Variants in ATP8B4 observed in about 807,000 individuals in gnomAD.
ATP8B4 encodes probable phospholipid-transporting ATPase IM.
Under a neutral mutation model 145.6 loss-of-function variants are expected in ATP8B4, and 133 were observed. The ratio of observed to expected loss-of-function variants is 0.91; its 90% CI spans 0.79 to 1.05. The LOEUF is 1.05. ATP8B4 is among the 50% of genes least tolerant of loss of function. ATP8B4 has a pLI of 0.00. For missense variants in ATP8B4, 1,458 were observed against 1,425.2 expected (o/e 1.02, Z -0.37); for synonymous variants, 507 against 492.9 (o/e 1.03, Z -0.38).
intron 16 of ATP8B4, among the ~76,000 whole-genome samples, chr15:49,924,870 G>A (rs368258359): frequency 1.3e-5 from 2 of 152,066 alleles, no homozygotes; most frequent in Non-Finnish European, 2.9e-5. Flanking sequence ...AACCAGGGGG[G>A]GAAACTTAAT....
intron 1 of ATP8B4, among the ~76,000 whole-genome samples, chr15:50,176,418 A>G (rs1166371896): frequency 1.3e-5 from 2 of 152,160 alleles, no homozygotes; most frequent in African/African-American, 4.8e-5. Context: ...GGTGCAGTGT[A>G]TACTGCTCAG....
intron 1 of ATP8B4, among the ~76,000 whole-genome samples, chr15:50,130,286 A>G (rs566197648): frequency 1.3e-5 from 2 of 152,242 alleles, no homozygotes; most frequent in African/African-American, 2.4e-5. Flanking sequence ...TTGCCTTGCT[A>G]TAATCACACC....
intron 3 of ATP8B4, among the ~76,000 whole-genome samples, chr15:50,058,725 T>G (rs1054297897): frequency 3.3e-5 from 5 of 152,112 alleles, no homozygotes; most frequent in Admixed American, 3.3e-4. Context: ...GGGACCCTGA[T>G]CCACTCATGA....
At chr15:50,107,655 G>C (rs542987458) in intron 1 of ATP8B4, among the ~76,000 whole-genome samples, 9 of 152,210 alleles carry the variant, frequency 5.9e-5, no homozygotes, top group African/African-American at 2.2e-4. Flanking sequence ...AAAAGACCAA[G>C]GAAATAAATG....
At chr15:50,157,773 CCTCTCT>C (rs983144811) in intron 1 of ATP8B4, among the ~76,000 whole-genome samples, 3 of 152,026 alleles carry the variant, frequency 2.0e-5, no homozygotes, top group Non-Finnish European at 2.9e-5. Context: ...TCTCCCTCTC[CCTCTCT>C]CTCCACGGTC....
At chr15:50,174,568 A>C (rs1413405885) in intron 1 of ATP8B4, among the ~76,000 whole-genome samples, 1 of 150,912 alleles carries the variant, frequency 6.6e-6, no homozygotes, top group African/African-American at 2.4e-5. Context: ...AAAAAAAAAA[A>C]CTTAGGAACA....
chr15:49,958,017 G>A (rs558292921), intron 14 of ATP8B4, among the ~76,000 whole-genome samples: 1 of 151,568 alleles, frequency 6.6e-6, no homozygotes, highest in South Asian at 2.1e-4. Context: ...AAGCCACAAA[G>A]AAAATCTCAA....
intron 6 of ATP8B4, among the ~76,000 whole-genome samples, chr15:50,021,396 T>G (rs1599857621): frequency 6.6e-6 from 1 of 152,316 alleles, no homozygotes; most frequent in Middle Eastern, 3.4e-3. Flanking sequence ...AAAATTGGAA[T>G]TCTCTATCAC....
chr15:50,017,181 G>A (rs143428269), intron 6 of ATP8B4, among the ~76,000 whole-genome samples: 2 of 152,220 alleles, frequency 1.3e-5, no homozygotes, highest in African/African-American at 2.4e-5. Context: ...AAAATATTAG[G>A]TCATCTGATT....
chr15:50,060,725 T>A (rs1009928412), intron 3 of ATP8B4, among the ~76,000 whole-genome samples: 3 of 152,170 alleles, frequency 2.0e-5, no homozygotes, highest in African/African-American at 7.2e-5. Flanking sequence ...CTTCTGAAAC[T>A]CAAATATGTA....
At chr15:49,896,130 G>C (rs1291358610) in intron 23 of ATP8B4, 1 of 152,130 alleles carries the variant, frequency 6.6e-6, no homozygotes, top group Non-Finnish European at 1.5e-5. Context: ...CTCTGAAGTA[G>C]CACTAAGATA....
chr15:49,893,977 C>A (rs2037112084), intron 23 of ATP8B4, among the ~76,000 whole-genome samples: 1 of 152,124 alleles, frequency 6.6e-6, no homozygotes, highest in South Asian at 2.1e-4. Context: ...TCAACAATAT[C>A]ATGATTCTAC....
intron 20 of ATP8B4, among the ~76,000 whole-genome samples, chr15:49,911,103 A>T (rs1443329870): frequency 6.6e-6 from 1 of 152,148 alleles, no homozygotes; most frequent in Non-Finnish European, 1.5e-5. Flanking sequence ...CCAGAAAACA[A>T]TTAACAATGT....
At chr15:50,160,503 T>A (rs2044501623) in intron 1 of ATP8B4, among the ~76,000 whole-genome samples, 1 of 151,920 alleles carries the variant, frequency 6.6e-6, no homozygotes, top group Admixed American at 6.6e-5. Flanking sequence ...CTACTTTTTT[T>A]AATGTAGATA....
At chr15:50,138,326 G>GTAGGTAGATAGATAGA (rs1555496744) in intron 1 of ATP8B4, among the ~76,000 whole-genome samples, 311 of 148,224 alleles carry the variant, frequency 2.1e-3, no homozygotes, top group Middle Eastern at 3.4e-3. Flanking sequence ...AGATAGATAG[G>GTAGGTAGATAGATAGA]TAGATAGATA....
chr15:49,992,371 T>C (rs1374862429), intron 9 of ATP8B4, among the ~76,000 whole-genome samples: 4 of 152,212 alleles, frequency 2.6e-5, no homozygotes, highest in African/African-American at 9.6e-5. Flanking sequence ...GCCTGACTTA[T>C]TAACCACTGT....
chr15:49,879,317 AC>A (rs965217878), intron 24 of ATP8B4, 58 bp downstream of exon 24: 28 of 1,461,494 alleles, frequency 1.9e-5, no homozygotes, highest in Non-Finnish European at 2.4e-5. Context: ...CTTAGAACCC[AC>A]AAAAAACTAA....
chr15:49,862,458 T>A, intron 26 of ATP8B4, 83 bp from the exon 27 acceptor site: 3 of 1,407,610 alleles, frequency 2.1e-6, no homozygotes, highest in Non-Finnish European at 2.9e-6. Flanking sequence ...TCCTACAAGA[T>A]CTTTTTTTTT....
chr15:49,966,481 T>A (rs2044554036), intron 13 of ATP8B4, among the ~76,000 whole-genome samples: 1 of 152,158 alleles, frequency 6.6e-6, no homozygotes, highest in Non-Finnish European at 1.5e-5. Context: ...AGTTTTCCCC[T>A]CACGGTGTAA....
Sources: allele counts gnomAD v4.1 joint callset (sites outside exome capture counted in the v4.1 genomes callset), GRCh38; gene constraint gnomAD v4.1.1; transcripts MANE v1.5; gene names NCBI Gene and HGNC (gene_info 2026-07-23, HGNC 2026-07-21).